Variants in MYO16 observed in about 807,000 individuals in gnomAD.
The protein encoded by MYO16 is myosin XVI.
MYO16 carries 94 observed loss-of-function variants against 205.3 expected under a neutral mutation model. The ratio of observed to expected loss-of-function variants is 0.46; its 90% CI spans 0.39 to 0.54. The LOEUF (loss-of-function observed/expected upper bound fraction) is 0.54. Among genes scored for constraint, MYO16 ranks in the 20% least tolerant of loss-of-function variants. The pLI is 0.00. For synonymous variants in MYO16, 988 were observed against 954.0 expected, an observed-to-expected ratio of 1.04 and a Z score of -0.66; for missense variants, 2,315 against 2,387.5, an observed-to-expected ratio of 0.97 and a Z score of 0.63.
At chr13:108,683,964 C>T (rs984845727) in intron 2 of MYO16, among the ~76,000 whole-genome samples, 16 of 152,196 alleles carry the variant, frequency 1.1e-4, no homozygotes, top group Non-Finnish European at 1.3e-4. Flanking sequence ...CAACCTCCGC[C>T]TCCCGGGTTT....
At chr13:108,630,358 G>C (rs74117289) in intron 1 of MYO16, among the ~76,000 whole-genome samples, 149 of 152,218 alleles carry the variant, frequency 9.8e-4, no homozygotes, top group African/African-American at 3.4e-3. Context: ...GTAAACTTTT[G>C]TCCTTGTATC....
intron 21 of MYO16, among the ~76,000 whole-genome samples, chr13:109,007,623 C>T (rs1307822711): frequency 6.7e-6 from 1 of 148,994 alleles, no homozygotes; most frequent in East Asian, 2.0e-4. Context: ...GAAGAGTAGC[C>T]TAGAGGGGAA....
intron 4 of MYO16, among the ~76,000 whole-genome samples, chr13:108,774,517 A>G (rs934181031): frequency 6.6e-6 from 1 of 152,062 alleles, no homozygotes; most frequent in Non-Finnish European, 1.5e-5. Context: ...ACATTGATTA[A>G]TTTTATTTCT....
intron 20 of MYO16, among the ~76,000 whole-genome samples, chr13:108,976,015 T>C (rs1294523848): frequency 6.6e-6 from 1 of 152,118 alleles, no homozygotes; most frequent in African/African-American, 2.4e-5. Flanking sequence ...ATTCCAGGAA[T>C]CATGGTAAGA....
intron 32 of MYO16, among the ~76,000 whole-genome samples, chr13:109,157,997 C>T (rs1244545240): frequency 6.6e-6 from 1 of 152,168 alleles, no homozygotes; most frequent in African/African-American, 2.4e-5. Context: ...AATCTTAGCA[C>T]CAGGTTTGGA....
At position 108,844,462 on chromosome 13, in the gene MYO16, C is replaced by G. The variant is rs1293675001; in HGVS notation, c.1217C>G (p.Pro406Arg). Residue 406 changes from proline to arginine, a missense_variant, in exon 10 of 35, where the codon CCC becomes CGC. Pro to Arg is a moderately radical substitution (Grantham distance 103). This residue lies in a region of MYO16 where 1,213 missense variants were observed against 1,274.4 expected (regional missense o/e 0.95). Transcript: ENST00000457511. ...QQSQDSIPEN[P>R]MMSGSTKPEQ... ...TCTCAGGACAGCATCCCTGAAAACC[C>G]CATGATGAGCGGTTCCACCAAACCC... The G allele has an allele frequency of 1.9e-6, 3 of 1,610,886 alleles. No homozygotes were observed. In the African/African-American group the frequency reaches 4.0e-5, roughly 22 times the overall value.
chr13:108,746,945 T>C (rs533381611), intron 4 of MYO16, among the ~76,000 whole-genome samples: 158 of 152,248 alleles, frequency 1.0e-3, no homozygotes, highest in African/African-American at 3.7e-3. Context: ...AGAAAAAAGA[T>C]AAGAATCACA....
chr13:109,132,877 G>A (rs1279459181), intron 31 of MYO16, among the ~76,000 whole-genome samples: 3 of 152,202 alleles, frequency 2.0e-5, no homozygotes, highest in Non-Finnish European at 4.4e-5. Context: ...GGAGAGATAA[G>A]TGGTCAAACA....
intron 27 of MYO16, among the ~76,000 whole-genome samples, chr13:109,098,744 A>C (rs1364354543): frequency 1.3e-5 from 2 of 152,182 alleles, no homozygotes; most frequent in Non-Finnish European, 2.9e-5. Flanking sequence ...ATTTGGCTTT[A>C]GGAAGTGCTT....
chr13:108,966,640 T>C (rs1883802327), intron 20 of MYO16, among the ~76,000 whole-genome samples: 1 of 152,164 alleles, frequency 6.6e-6, no homozygotes, highest in African/African-American at 2.4e-5. Context: ...AAATTAGAGG[T>C]GAATCAACAC....
At chr13:108,616,404 G>A (rs529799765) in intron 1 of MYO16, among the ~76,000 whole-genome samples, 7 of 152,166 alleles carry the variant, frequency 4.6e-5, no homozygotes, top group African/African-American at 1.7e-4. Context: ...CTTCACCATC[G>A]TAGTCTATGC....
chr13:108,690,836 G>A (rs776522654), intron 2 of MYO16, among the ~76,000 whole-genome samples: 1 of 152,064 alleles, frequency 6.6e-6, no homozygotes, highest in Non-Finnish European at 1.5e-5. Context: ...TAGTATCATA[G>A]CCCCACAAGA....
intron 1 of MYO16, among the ~76,000 whole-genome samples, chr13:108,624,331 T>G (rs1013168816): frequency 6.6e-6 from 1 of 152,206 alleles, no homozygotes; most frequent in Non-Finnish European, 1.5e-5. Flanking sequence ...TTTTTTTATC[T>G]GCCTATTCCT....
At position 108,759,257 on chromosome 13, in the gene MYO16, A is replaced by T. The variant is rs78162289; in HGVS notation, c.508-26378A>T. On this transcript the variant is annotated intron_variant, in intron 4 of 34. Transcript: ENST00000457511. ...TGTTTCAACAGAATTATGGAATTCTATGTTGAAGTGTGAATAGTTACCAGT... is the reference window on the plus strand; with the variant it reads ...TGTTTCAACAGAATTATGGAATTCTTTGTTGAAGTGTGAATAGTTACCAGT... Among the ~76,000 whole-genome samples the T allele has an allele frequency of 5.3e-3, 813 of 152,326 alleles. 21 individuals are homozygous for T. Among genetic ancestry groups the T allele is most frequent in the Admixed American group, 0.04 (614 of 15,296 alleles).
chr13:108,651,093 A>G (rs1880981376), intron 1 of MYO16, among the ~76,000 whole-genome samples: 1 of 152,190 alleles, frequency 6.6e-6, no homozygotes, highest in South Asian at 2.1e-4. Flanking sequence ...GGCACTGTGC[A>G]GTTGGTTCCC....
chr13:109,193,519 T>G lies in MYO16; in HGVS notation c.5416-13090T>G, dbSNP rs1003195. 5.8e-3 allele frequency among the ~76,000 whole-genome samples: 891 copies of G among 152,344 alleles called. 6 individuals carry two copies. The highest frequency in any genetic ancestry group is 0.02 in the African/African-American group (834 of 41,580). The stretch of plus-strand genomic sequence containing the variant: ...AATTATTTTCTTCATTCATATTTGA[T>G]TCTATTTAATACTGTTACACACGAT... On this transcript the variant is annotated intron_variant, in intron 34 of 34. Transcript: ENST00000457511.
At chr13:108,864,530 T>C (rs2139121645) in intron 11 of MYO16, among the ~76,000 whole-genome samples, 1 of 152,220 alleles carries the variant, frequency 6.6e-6, no homozygotes, top group South Asian at 2.1e-4. Context: ...GATTTTTGTT[T>C]TTGTTTTTGT....
chr13:109,117,494 AATATATATG>A, intron 28 of MYO16, among the ~76,000 whole-genome samples: 1 of 148,212 alleles, frequency 6.7e-6, no homozygotes. Flanking sequence ...ATATATATGT[AATATATATG>A]TATATATGTA....
chr13:108,696,931 A>G (rs1883113270), intron 2 of MYO16, among the ~76,000 whole-genome samples: 1 of 151,254 alleles, frequency 6.6e-6, no homozygotes. Flanking sequence ...ATTTCTGGCC[A>G]TGTAATACTT....
Sources: allele counts gnomAD v4.1 joint callset (sites outside exome capture counted in the v4.1 genomes callset), GRCh38; gene constraint gnomAD v4.1.1; regional missense constraint gnomAD v4.1.1; transcripts MANE v1.5; gene names NCBI Gene and HGNC (gene_info 2026-07-23, HGNC 2026-07-21).